PTCHD1: variants seen among roughly 807,000 people sequenced by gnomAD.
PTCHD1 encodes the protein patched domain-containing protein 1.
A neutral mutation model predicts 34.6 loss-of-function variants in PTCHD1; 3 were observed. The ratio of observed to expected loss-of-function variants is 0.09; its 90% confidence interval spans 0.04 to 0.22. The LOEUF (loss-of-function observed/expected upper bound fraction) is 0.22, where lower values mean the gene tolerates loss of function less well. Ranked by LOEUF, PTCHD1 falls within the 10% of genes least tolerant of loss-of-function variation. PTCHD1 has a pLI of 1.00. For synonymous variants in PTCHD1, 305 were observed against 283.1 expected (o/e 1.08, Z -0.77); for missense variants, 504 against 685.5 (o/e 0.74, Z 2.96).
chrX:23,392,526 C>T lies in PTCHD1; in HGVS notation c.1013-5C>T. 8.6e-7 allele frequency: 1 copy of T among 1,163,341 alleles called. No homozygotes were observed. The highest frequency in any genetic ancestry group is 2.2e-5 in the Admixed American group (1 of 45,944). ...TTCTGCTCTGGTCTTTTTCTGCCCTCTTAGGTCATGGATTATATGGGACTT... is the reference window on the plus strand; with the variant it reads ...TTCTGCTCTGGTCTTTTTCTGCCCTTTTAGGTCATGGATTATATGGGACTT... On this transcript the variant is annotated splice_polypyrimidine_tract_variant and splice_region_variant and intron_variant, in intron 2 of 2. Transcript: ENST00000379361.
At chrX:23,366,722 C>T (rs1448177417) in intron 1 of PTCHD1, among the ~76,000 whole-genome samples, 2 of 111,746 alleles carry the variant, frequency 1.8e-5, no homozygotes, top group East Asian at 5.6e-4. Flanking sequence ...TGTCTTGTTG[C>T]TTGTCTTTAT....
intron 1 of PTCHD1, among the ~76,000 whole-genome samples, chrX:23,356,391 C>T (rs1921803155): frequency 8.9e-6 from 1 of 112,284 alleles, no homozygotes. Context: ...CTAGAGCAGG[C>T]TTCCTGGAGG....
intron 2 of PTCHD1, among the ~76,000 whole-genome samples, chrX:23,384,752 G>A (rs1441310689): frequency 8.9e-6 from 1 of 111,797 alleles, no homozygotes; most frequent in Non-Finnish European, 1.9e-5. Context: ...AAAGTCATGA[G>A]AAAATGAGGG....
chrX:23,359,836 T>C (rs1198887165), intron 1 of PTCHD1, among the ~76,000 whole-genome samples: 2 of 112,017 alleles, frequency 1.8e-5, no homozygotes, highest in South Asian at 7.5e-4. Flanking sequence ...AATACCTACT[T>C]TATTGAGAGT....
chrX:23,364,321 ATTTACACATTG>A (rs1286867918), intron 1 of PTCHD1, among the ~76,000 whole-genome samples: 1 of 109,220 alleles, frequency 9.2e-6, no homozygotes, highest in Non-Finnish European at 1.9e-5. Flanking sequence ...TGCACTTAAC[ATTTACACATTG>A]TACTGTATAT....
In PTCHD1 at chrX:23,401,087, C is replaced by G; in HGVS notation, c.*6902C>G. 1 of 111,305 alleles carries G rather than the reference C, an allele frequency of 9.0e-6. No individual in the cohort carries two copies. The highest frequency in any genetic ancestry group is 1.9e-5 in the Non-Finnish European group (1 of 53,116). The allele number at this position is 111,305 out of a possible 1,213,427, so 9.2% of individuals were successfully genotyped here. A position where few individuals can be genotyped will look rare whatever the true frequency, so the allele number is the denominator to read the frequency against. On this transcript the variant is annotated 3_prime_UTR_variant, in exon 3 of 3. Transcript: ENST00000379361. ...GTAGAGATGGGGTTTCACCGTGTTA[C>G]CCATGATAGTCTCGATCTCCTAACC...
chrX:23,356,046 T>C (rs1446341711), intron 1 of PTCHD1, among the ~76,000 whole-genome samples: 2 of 112,302 alleles, frequency 1.8e-5, no homozygotes, highest in Non-Finnish European at 3.7e-5. Context: ...TTTGCTTGTT[T>C]TGCTTTTTTT....
chrX:23,342,476 G>A (rs1045717534), intron 1 of PTCHD1, among the ~76,000 whole-genome samples: 16 of 106,852 alleles, frequency 1.5e-4, no homozygotes, highest in Non-Finnish European at 3.1e-4. Context: ...TACATCGAGA[G>A]ATTTAGTGCC....
Position 23,358,186 on chromosome X carries a change from G to A in PTCHD1, c.352-21405G>A, listed in dbSNP as rs755178226. Among the ~76,000 whole-genome samples the A allele has an allele frequency of 2.1e-4, 23 of 111,729 alleles. No homozygotes were observed. The South Asian group carries it at 8.0e-3, about 39-fold the overall frequency. On this transcript the variant is annotated intron_variant, in intron 1 of 2. Transcript: ENST00000379361. ...TGGGTATATACCCAGGAATGAGATCGCTGGATCAAAAGGTATTTCTACCTC... is the reference window on the plus strand; with the variant it reads ...TGGGTATATACCCAGGAATGAGATCACTGGATCAAAAGGTATTTCTACCTC...
In PTCHD1 at chrX:23,398,642, A is replaced by T. The variant is rs1244186447; in HGVS notation, c.*4457A>T. Reference sequence around the variant, plus strand: ...ATAGTAAATCTGCAATACAAAGAAAAATATTAAGTTAGTGGATTCGCTGGC... The same window carrying T: ...ATAGTAAATCTGCAATACAAAGAAATATATTAAGTTAGTGGATTCGCTGGC... On this transcript the variant is annotated 3_prime_UTR_variant, in exon 3 of 3. Coordinates refer to ENST00000379361, the MANE Select transcript of PTCHD1 (RefSeq NM_173495.3). 1.8e-5 allele frequency: 2 copies of T among 111,907 alleles called. No individual in the cohort carries two copies. The highest frequency in any genetic ancestry group is 6.5e-5 in the African/African-American group (2 of 30,775). The allele number at this position is 111,907 out of a possible 1,213,427, so 9.2% of individuals were successfully genotyped here. A position where few individuals can be genotyped will look rare whatever the true frequency, so the allele number is the denominator to read the frequency against.
chrX:23,349,819 T>G (rs1921576741), intron 1 of PTCHD1, among the ~76,000 whole-genome samples: 1 of 110,157 alleles, frequency 9.1e-6, no homozygotes, highest in South Asian at 3.9e-4. Flanking sequence ...GGACAGCATG[T>G]CTACTACTCT....
rs1922966301 is a variant in PTCHD1, at chrX:23,395,507, G to GT, written c.*1323dup. 1 of 111,335 alleles carries GT rather than the reference G, an allele frequency of 9.0e-6. No homozygotes were observed. Among genetic ancestry groups the GT allele is most frequent in the Non-Finnish European group, 1.9e-5 (1 of 53,026 alleles). 9.2% of individuals were successfully genotyped at this position (111,335 alleles called of 1,213,427 possible). On this transcript the variant is annotated 3_prime_UTR_variant, in exon 3 of 3. Coordinates refer to ENST00000379361, the MANE Select transcript of PTCHD1 (RefSeq NM_173495.3). ...AAAGTGGCTGCACCTCACCTTGCTG[G>GT]TCCCCCCCACACCTTTTTTGATGTC...
At chrX:23,344,532 A>G (rs763159120) in intron 1 of PTCHD1, among the ~76,000 whole-genome samples, 3 of 112,124 alleles carry the variant, frequency 2.7e-5, no homozygotes, top group South Asian at 7.5e-4. Flanking sequence ...GCTACATTCA[A>G]TACTCATATT....
intron 1 of PTCHD1, among the ~76,000 whole-genome samples, chrX:23,358,790 T>G (rs1921886262): frequency 9.3e-6 from 1 of 106,965 alleles, no homozygotes; most frequent in South Asian, 4.2e-4. Flanking sequence ...GGTCTAACAT[T>G]TAAGTCTTTA....
chrX:23,339,614 G>A (rs937039739), intron 1 of PTCHD1, among the ~76,000 whole-genome samples: 3 of 112,276 alleles, frequency 2.7e-5, no homozygotes, highest in East Asian at 2.8e-4. Context: ...CTGCTAGCTC[G>A]GGGTCACAAA....
intron 1 of PTCHD1, among the ~76,000 whole-genome samples, chrX:23,375,492 C>T (rs1271887137): frequency 3.6e-5 from 4 of 110,543 alleles, no homozygotes; most frequent in South Asian, 3.9e-4. Flanking sequence ...GGGGTTTCAC[C>T]GTGGTCTCGA....
chrX:23,363,627 G>A (rs751718580), intron 1 of PTCHD1, among the ~76,000 whole-genome samples: 2 of 112,750 alleles, frequency 1.8e-5, no homozygotes, highest in East Asian at 5.6e-4. Flanking sequence ...GCGATGCCCC[G>A]CCCTGCTTCG....
Position 23,392,820 on chromosome X carries a change from T to G in PTCHD1, c.1302T>G (p.Asn434Lys). Reference protein sequence around the residue: ...SLVFTGYIENNYQHSIFCRKV... With the variant: ...SLVFTGYIENKYQHSIFCRKV... ...TGTTCACTGGCTACATAGAAAACAA[T>G]TACCAGCATAGTATCTTCTGTAGAA... Residue 434 changes from asparagine (N) to lysine (K), a missense_variant, in exon 3 of 3, where the codon AAT (asparagine) becomes AAG (lysine). Asn to Lys is a moderately conservative substitution (Grantham distance 94, BLOSUM62 0). Coordinates refer to ENST00000379361, the MANE Select transcript of PTCHD1 (RefSeq NM_173495.3). 8.3e-7 allele frequency: 1 copy of G among 1,212,053 alleles called. No homozygotes were observed. The highest frequency in any genetic ancestry group is 3.0e-5 in the East Asian group (1 of 33,851).
At chrX:23,389,737 A>C (rs1922782257) in intron 2 of PTCHD1, among the ~76,000 whole-genome samples, 1 of 111,832 alleles carries the variant, frequency 8.9e-6, no homozygotes, top group South Asian at 3.8e-4. Flanking sequence ...GAACTAAGGA[A>C]AGGCATCGTT....
Sources: gnomAD v4.1 joint callset for allele counts (sites outside exome capture counted in the v4.1 genomes callset) on GRCh38, gnomAD v4.1.1 for gene constraint, MANE v1.5 for transcripts, NCBI Gene and HGNC (gene_info 2026-07-23, HGNC 2026-07-21) for gene names.